The following FRMD3 variants were observed in gnomAD, a reference collection of about 807,000 sequenced individuals.
FRMD3 encodes FERM domain containing 3.
A neutral mutation model predicts 70.2 loss-of-function variants in FRMD3; 33 were observed. The observed-to-expected ratio is 0.47, with a 90% CI of 0.36 to 0.63. The LOEUF is 0.63. Ranked by LOEUF, FRMD3 falls within the 20% of genes least tolerant of loss-of-function variation. FRMD3 has a pLI of 0.00. For synonymous variants in FRMD3, 279 were observed against 255.9 expected, an observed-to-expected ratio of 1.09 and a Z score of -0.86; for missense variants, 632 against 711.4, an observed-to-expected ratio of 0.89 and a Z score of 1.27.
intron 1 of FRMD3, among the ~76,000 whole-genome samples, chr9:83,511,159 G>C (rs1044692403): frequency 1.3e-5 from 2 of 152,204 alleles, no homozygotes; most frequent in Admixed American, 6.5e-5. Flanking sequence ...ATTAATCTAT[G>C]CCTGGTGGAT....
chr9:83,482,452 A>G (rs1828589990), intron 1 of FRMD3, among the ~76,000 whole-genome samples: 2 of 152,234 alleles, frequency 1.3e-5, no homozygotes, highest in South Asian at 4.1e-4. Flanking sequence ...ACTTTTAGCC[A>G]TTATATTTCT....
chr9:83,244,276 A>ATAT (rs1487016367), downstream of FRMD3, among the ~76,000 whole-genome samples: 1 of 152,170 alleles, frequency 6.6e-6, no homozygotes, highest in Non-Finnish European at 1.5e-5. Context: ...TGATGATAAC[A>ATAT]TATTAATTTC....
intron 13 of FRMD3, among the ~76,000 whole-genome samples, chr9:83,259,110 G>A (rs1832862233): frequency 6.6e-6 from 1 of 152,164 alleles, no homozygotes; most frequent in South Asian, 2.1e-4. Context: ...GATGGGTAGG[G>A]GTCGGGGATG....
chr9:83,514,170 C>A (rs1055660555), intron 1 of FRMD3, among the ~76,000 whole-genome samples: 1 of 152,178 alleles, frequency 6.6e-6, no homozygotes, highest in African/African-American at 2.4e-5. Flanking sequence ...TCTTGCTCAG[C>A]GGATCCCACC....
At chr9:83,299,873 T>C (rs539431724) in intron 10 of FRMD3, among the ~76,000 whole-genome samples, 2 of 152,028 alleles carry the variant, frequency 1.3e-5, no homozygotes, top group African/African-American at 4.8e-5. Context: ...ACAACAACAC[T>C]CTGAAAAGCA....
intron 3 of FRMD3, among the ~76,000 whole-genome samples, chr9:83,370,642 T>G (rs1298607749): frequency 1.3e-5 from 2 of 152,180 alleles, no homozygotes; most frequent in African/African-American, 4.8e-5. Context: ...GTGGGTGCAG[T>G]GGCTCACTCC....
chr9:83,349,730 C>G lies in FRMD3; in HGVS notation c.323G>C (p.Arg108Thr). Residue 108 changes from arginine to threonine, a missense_variant, in exon 4 of 14, where the codon AGA (arginine) becomes ACA (threonine). Transcript: ENST00000304195. ...GGGTTCATGTGGGTAGAATTTCACTCTAAAGCACATGGTGTATGGTGGATG... is the reference window on the plus strand; with the variant it reads ...GGGTTCATGTGGGTAGAATTTCACTGTAAAGCACATGGTGTATGGTGGATG... The part of the protein sequence containing the change: ...KTHPPYTMCF[R>T]VKFYPHEPLK... The G allele has an allele frequency of 6.2e-7, 1 of 1,612,298 alleles. No individual in the cohort carries two copies. Among genetic ancestry groups the G allele is most frequent in the Non-Finnish European group, 8.5e-7 (1 of 1,178,882 alleles).
intron 13 of FRMD3, among the ~76,000 whole-genome samples, chr9:83,269,775 C>T (rs1193015881): frequency 6.6e-6 from 1 of 152,122 alleles, no homozygotes; most frequent in African/African-American, 2.4e-5. Context: ...ATTATTTTAA[C>T]TATAGCCAGT....
chr9:83,434,307 G>T (rs890974818), intron 1 of FRMD3, among the ~76,000 whole-genome samples: 1 of 152,184 alleles, frequency 6.6e-6, no homozygotes, highest in Non-Finnish European at 1.5e-5. Context: ...GGCCTGTTCT[G>T]CAAGGCAGTG....
chr9:83,534,644 G>T (rs959132100), intron 1 of FRMD3, among the ~76,000 whole-genome samples: 1 of 152,154 alleles, frequency 6.6e-6, no homozygotes, highest in African/African-American at 2.4e-5. Context: ...TTCATCTTTT[G>T]ATGCATAGGC....
At chr9:83,358,687 T>TTTATTTAC (rs1824486459) in intron 3 of FRMD3, among the ~76,000 whole-genome samples, 1 of 149,894 alleles carries the variant, frequency 6.7e-6, no homozygotes, top group Non-Finnish European at 1.5e-5. Flanking sequence ...TATTTATTTA[T>TTTATTTAC]TTATTTATTT....
intron 1 of FRMD3, among the ~76,000 whole-genome samples, chr9:83,486,895 C>T (rs1036115960): frequency 2.0e-5 from 3 of 152,178 alleles, no homozygotes; most frequent in African/African-American, 4.8e-5. Flanking sequence ...CAACTCTACA[C>T]CTCAGTTTAA....
chr9:83,550,759 C>G, the FRMD3 span, among the ~76,000 whole-genome samples: 3 of 148,422 alleles, frequency 2.0e-5, no homozygotes, highest in Admixed American at 2.0e-4. Context: ...AATTGTCTTT[C>G]TGATTTGGCT....
At chr9:83,476,123 C>T (rs1379364563) in intron 1 of FRMD3, among the ~76,000 whole-genome samples, 1 of 152,190 alleles carries the variant, frequency 6.6e-6, no homozygotes, top group Non-Finnish European at 1.5e-5. Flanking sequence ...ATGGCTCACA[C>T]CTGTAATCCC....
chr9:83,525,856 C>T (rs1470826224), intron 1 of FRMD3, among the ~76,000 whole-genome samples: 1 of 152,164 alleles, frequency 6.6e-6, no homozygotes, highest in East Asian at 1.9e-4. Context: ...AATTCCAGAG[C>T]TCACAATTCA....
At chr9:83,306,813 T>C (rs1767528933) in intron 10 of FRMD3, among the ~76,000 whole-genome samples, 2 of 152,216 alleles carry the variant, frequency 1.3e-5, no homozygotes, top group African/African-American at 4.8e-5. Flanking sequence ...AATAGAAGTC[T>C]TGGAGAAAGG....
intron 1 of FRMD3, among the ~76,000 whole-genome samples, chr9:83,478,462 A>AC (rs765913874): frequency 6.6e-6 from 1 of 152,172 alleles, no homozygotes; most frequent in Non-Finnish European, 1.5e-5. Flanking sequence ...ATACCACTTC[A>AC]CCCCATTAGG....
chr9:83,407,815 A>G (rs1826148949), intron 1 of FRMD3, among the ~76,000 whole-genome samples: 1 of 136,094 alleles, frequency 7.3e-6, no homozygotes, highest in Non-Finnish European at 1.6e-5. Flanking sequence ...TGGTCTGGCC[A>G]GCAGAGGAGG....
intron 3 of FRMD3, among the ~76,000 whole-genome samples, chr9:83,354,996 G>A (rs1824289723): frequency 6.6e-6 from 1 of 152,196 alleles, no homozygotes; most frequent in South Asian, 2.1e-4. Context: ...TTTGGGGTCA[G>A]AAGTCCAGCA....
Sources: gnomAD v4.1 joint callset for allele counts (sites outside exome capture counted in the v4.1 genomes callset) on GRCh38, gnomAD v4.1.1 for gene constraint, MANE v1.5 for transcripts, NCBI Gene and HGNC (gene_info 2026-07-23, HGNC 2026-07-21) for gene names.